Variants in PLCB1 observed in about 807,000 individuals in gnomAD.
PLCB1 encodes the protein 1-phosphatidylinositol 4,5-bisphosphate phosphodiesterase beta-1.
In PLCB1, 46 loss-of-function variants were observed where a neutral mutation model predicts 161.8. The ratio of observed to expected loss-of-function variants is 0.28; its 90% confidence interval spans 0.22 to 0.36. PLCB1 has a LOEUF of 0.36. PLCB1 is among the 10% of genes least tolerant of loss of function. The pLI is 1.00. For missense variants in PLCB1, 1,016 were observed against 1,472.5 expected, an observed-to-expected ratio of 0.69 and a Z score of 5.07; for synonymous variants, 517 against 503.7, an observed-to-expected ratio of 1.03 and a Z score of -0.35.
chr20:8,447,433 T>C (rs1234915376), intron 3 of PLCB1, among the ~76,000 whole-genome samples: 1 of 152,208 alleles, frequency 6.6e-6, no homozygotes, highest in Non-Finnish European at 1.5e-5. Context: ...CCAAAAACTC[T>C]CCAGACAATA....
rs187435017 is a variant in PLCB1 at position 8,133,735 on chromosome 20, C to T, written c.99+985C>T. 5.3e-5 allele frequency among the ~76,000 whole-genome samples: 8 copies of T among 152,322 alleles called. No homozygotes were observed. The East Asian group carries it at 1.5e-3, about 29-fold the overall frequency. On this transcript the variant is annotated intron_variant, in intron 1 of 31. Coordinates refer to ENST00000338037, the MANE Select transcript of PLCB1 (RefSeq NM_015192.4). ...CTAAAGGTTCGATAAGAAAAACCTA[C>T]TGAAATAAACCCGAGTTGCCAGGCT... is the stretch of plus-strand genomic sequence containing the variant.
At chr20:8,529,210 A>G (rs903832636) in intron 3 of PLCB1, among the ~76,000 whole-genome samples, 2 of 152,100 alleles carry the variant, frequency 1.3e-5, no homozygotes, top group Admixed American at 1.3e-4. Flanking sequence ...GTATTTAATT[A>G]TGTATCCATT....
chr20:8,423,883 G>T (rs149658081), intron 3 of PLCB1, among the ~76,000 whole-genome samples: 102 of 152,224 alleles, frequency 6.7e-4, no homozygotes, highest in African/African-American at 2.3e-3. Context: ...GCTTCCTAGA[G>T]TGTCTTGTAT....
chr20:8,198,017 A>G lies in PLCB1; in HGVS notation c.177+47646A>G, dbSNP rs370523698. ...GGGCTCTGTTCTGTTCCATTGGTCT[A>G]TATCTCTATTTTGGTAAGAGTACCA... is the stretch of plus-strand genomic sequence containing the variant. On this transcript the variant is annotated intron_variant, in intron 2 of 31. Transcript: ENST00000338037. Among the ~76,000 whole-genome samples, 22 of 152,174 alleles carry G rather than the reference A, an allele frequency of 1.4e-4. 1 individual carries two copies. The South Asian group carries it at 3.9e-3, about 27-fold the overall frequency.
At chr20:8,296,731 G>C (rs553480743) in intron 2 of PLCB1, among the ~76,000 whole-genome samples, 4 of 152,122 alleles carry the variant, frequency 2.6e-5, no homozygotes, top group Non-Finnish European at 4.4e-5. Flanking sequence ...TGTCCCACCA[G>C]CACTGTGTGA....
chr20:8,745,898 T>C (rs914219787), intron 23 of PLCB1, among the ~76,000 whole-genome samples: 3 of 152,228 alleles, frequency 2.0e-5, no homozygotes, highest in African/African-American at 7.2e-5. Flanking sequence ...ACATTTTTAA[T>C]GTATATCCTT....
chr20:8,875,447 T>C (rs760613455), intron 31 of PLCB1, among the ~76,000 whole-genome samples: 5 of 147,410 alleles, frequency 3.4e-5, no homozygotes, highest in Non-Finnish European at 7.5e-5. Flanking sequence ...TTAATATATG[T>C]AATACATTAT....
intron 3 of PLCB1, among the ~76,000 whole-genome samples, chr20:8,621,821 G>A (rs1600198645): frequency 6.6e-6 from 1 of 152,194 alleles, no homozygotes; most frequent in South Asian, 2.1e-4. Flanking sequence ...TTATAAAACT[G>A]AGCAAATTAC....
chr20:8,298,686 G>A (rs951068669), intron 2 of PLCB1, among the ~76,000 whole-genome samples: 1 of 150,196 alleles, frequency 6.7e-6, no homozygotes, highest in African/African-American at 2.5e-5. Flanking sequence ...GGTTTTGTTT[G>A]CATGTGGGTT....
chr20:8,780,890 A>G (rs1983184682), intron 27 of PLCB1, among the ~76,000 whole-genome samples: 1 of 152,072 alleles, frequency 6.6e-6, no homozygotes, highest in Non-Finnish European at 1.5e-5. Flanking sequence ...AGGAACAACA[A>G]GATAATGCAC....
intron 2 of PLCB1, among the ~76,000 whole-genome samples, chr20:8,359,145 T>C (rs151026027): frequency 6.1e-4 from 93 of 152,316 alleles, no homozygotes; most frequent in African/African-American, 2.1e-3. Context: ...CTGACAGTGA[T>C]TGCTTTTTAC....
At chr20:8,252,819 C>G (rs759633648) in intron 2 of PLCB1, among the ~76,000 whole-genome samples, 1 of 151,916 alleles carries the variant, frequency 6.6e-6, no homozygotes. Flanking sequence ...CCATGACTTC[C>G]TGTCATGGCT....
chr20:8,877,204 A>G (rs1987811547), intron 31 of PLCB1, among the ~76,000 whole-genome samples: 1 of 152,240 alleles, frequency 6.6e-6, no homozygotes, highest in Non-Finnish European at 1.5e-5. Flanking sequence ...GAGGCAATCA[A>G]AAGGAAGCCC....
intron 2 of PLCB1, among the ~76,000 whole-genome samples, chr20:8,215,951 T>G (rs1156545473): frequency 1.3e-5 from 2 of 152,122 alleles, no homozygotes; most frequent in African/African-American, 2.4e-5. Context: ...GATACCCTAA[T>G]TTGATGATAC....
intron 3 of PLCB1, among the ~76,000 whole-genome samples, chr20:8,486,097 T>A (rs1174304790): frequency 6.6e-6 from 1 of 152,078 alleles, no homozygotes; most frequent in Non-Finnish European, 1.5e-5. Context: ...CTCAATGAAC[T>A]TACTATCATG....
chr20:8,307,303 T>C (rs1458174706), intron 2 of PLCB1, among the ~76,000 whole-genome samples: 1 of 152,154 alleles, frequency 6.6e-6, no homozygotes, highest in South Asian at 2.1e-4. Context: ...TCTAAAATAA[T>C]GAAGCAGAAA....
At chr20:8,214,596 TA>T (rs1203037133) in intron 2 of PLCB1, among the ~76,000 whole-genome samples, 1 of 152,042 alleles carries the variant, frequency 6.6e-6, no homozygotes, top group Non-Finnish European at 1.5e-5. Context: ...AACAGCCCAA[TA>T]CCCTGTGTCT....
Position 8,677,089 on chromosome 20 carries a change from A to C in PLCB1, c.863-7843A>C, listed in dbSNP as rs371930336. On this transcript the variant is annotated intron_variant, in intron 9 of 31. Transcript: ENST00000338037. ...AAAATTAGATGGAAGATTGGAGAGA[A>C]AATGTATAAAAGTTTAAAATCCGGT... Among the ~76,000 whole-genome samples the C allele has an allele frequency of 1.4e-3, 220 of 152,284 alleles. 1 individual carries two copies. Among genetic ancestry groups the C allele is most frequent in the African/African-American group, 5.2e-3 (216 of 41,564 alleles).
intron 31 of PLCB1, among the ~76,000 whole-genome samples, chr20:8,841,256 C>T (rs902804379): frequency 1.3e-5 from 2 of 152,178 alleles, no homozygotes; most frequent in African/African-American, 2.4e-5. Flanking sequence ...TGTTATCCTA[C>T]AAGACAATTT....
Sources: allele counts gnomAD v4.1 joint callset (sites outside exome capture counted in the v4.1 genomes callset), GRCh38; gene constraint gnomAD v4.1.1; transcripts MANE v1.5; gene names NCBI Gene and HGNC (gene_info 2026-07-23, HGNC 2026-07-21).